Variants in FSTL5 observed in about 807,000 individuals in gnomAD.
The protein encoded by FSTL5 is follistatin like 5.
A neutral mutation model predicts 89.1 loss-of-function variants in FSTL5; 62 were observed. The ratio of observed to expected loss-of-function variants is 0.70; its 90% CI spans 0.57 to 0.86. The LOEUF (loss-of-function observed/expected upper bound fraction) is 0.86, where lower values mean the gene tolerates loss of function less well. Ranked by LOEUF, FSTL5 falls within the 40% of genes least tolerant of loss-of-function variation. The probability of loss-of-function intolerance (pLI) is 0.00; values close to 1 mark genes in which losing one functional copy is unlikely to be tolerated. For missense variants in FSTL5, 1,057 were observed against 1,001.6 expected (o/e 1.06, Z -0.75); for synonymous variants, 383 against 346.2 (o/e 1.11, Z -1.18).
intron 3 of FSTL5, among the ~76,000 whole-genome samples, chr4:161,955,656 T>C (rs567680933): frequency 1.6e-4 from 25 of 151,874 alleles, no homozygotes; most frequent in Non-Finnish European, 3.2e-4. Flanking sequence ...AATAGTAGTA[T>C]GATACATGAC....
At chr4:161,457,551 T>C (rs1318235804) in intron 14 of FSTL5, among the ~76,000 whole-genome samples, 1 of 152,114 alleles carries the variant, frequency 6.6e-6, no homozygotes, top group Non-Finnish European at 1.5e-5. Flanking sequence ...GGGAAAGTTG[T>C]TAATCTATCC....
intron 3 of FSTL5, among the ~76,000 whole-genome samples, chr4:161,934,392 G>T (rs1045043849): frequency 6.6e-6 from 1 of 152,044 alleles, no homozygotes; most frequent in African/African-American, 2.4e-5. Flanking sequence ...TAGAAGAAAA[G>T]AAAGTATTTA....
intron 6 of FSTL5, among the ~76,000 whole-genome samples, chr4:161,722,391 T>C (rs1739247527): frequency 6.6e-6 from 1 of 152,216 alleles, no homozygotes; most frequent in Non-Finnish European, 1.5e-5. Flanking sequence ...CTTTTCAGAA[T>C]GATTATATCC....
At chr4:161,907,482 T>C (rs987253302) in intron 4 of FSTL5, among the ~76,000 whole-genome samples, 3 of 152,144 alleles carry the variant, frequency 2.0e-5, no homozygotes, top group African/African-American at 7.2e-5. Flanking sequence ...TGGGAGTAGA[T>C]ACATGCACAA....
chr4:162,111,712 G>C (rs984027226), intron 1 of FSTL5, among the ~76,000 whole-genome samples: 2 of 152,016 alleles, frequency 1.3e-5, no homozygotes, highest in African/African-American at 4.8e-5. Flanking sequence ...GGGGAAAATA[G>C]AGAAAATATT....
chr4:161,803,878 A>G (rs1472761037), intron 4 of FSTL5, among the ~76,000 whole-genome samples: 1 of 152,022 alleles, frequency 6.6e-6, no homozygotes, highest in Non-Finnish European at 1.5e-5. Flanking sequence ...TCACAAAGTT[A>G]AAATAAAGGT....
chr4:161,689,151 G>T (rs1160503654), intron 6 of FSTL5, among the ~76,000 whole-genome samples: 1 of 152,258 alleles, frequency 6.6e-6, no homozygotes, highest in South Asian at 2.1e-4. Context: ...GAAGGAAAAA[G>T]AAACGTTTGC....
intron 2 of FSTL5, among the ~76,000 whole-genome samples, chr4:162,064,894 T>TA (rs921979839): frequency 1.6e-4 from 24 of 151,948 alleles, no homozygotes; most frequent in African/African-American, 4.8e-4. Context: ...TAAAAGGGCA[T>TA]AAAAAACAGA....
chr4:161,583,196 G>A (rs1560965298), intron 8 of FSTL5, among the ~76,000 whole-genome samples: 6 of 152,080 alleles, frequency 3.9e-5, no homozygotes, highest in South Asian at 4.2e-4. Flanking sequence ...GAAAGACTCC[G>A]TCTCAAAATA....
At chr4:161,563,791 T>C (rs1483332606) in intron 8 of FSTL5, among the ~76,000 whole-genome samples, 2 of 152,036 alleles carry the variant, frequency 1.3e-5, no homozygotes, top group African/African-American at 2.4e-5. Context: ...GAAAAGTTAT[T>C]GTATAATTTA....
At chr4:161,788,260 G>A (rs1404034474) in intron 4 of FSTL5, among the ~76,000 whole-genome samples, 1 of 152,084 alleles carries the variant, frequency 6.6e-6, no homozygotes, top group Non-Finnish European at 1.5e-5. Flanking sequence ...TTTATGATGT[G>A]AACATTCAAA....
chr4:161,666,689 A>C (rs929570884), intron 6 of FSTL5, among the ~76,000 whole-genome samples: 5 of 152,270 alleles, frequency 3.3e-5, no homozygotes, highest in East Asian at 3.9e-4. Context: ...GGGAGAGAAC[A>C]GTATGATAAC....
At chr4:161,652,468 G>A (rs1161889966) in intron 7 of FSTL5, among the ~76,000 whole-genome samples, 1 of 152,020 alleles carries the variant, frequency 6.6e-6, no homozygotes, top group Non-Finnish European at 1.5e-5. Flanking sequence ...ATTCACCCAT[G>A]TAAATGGGCA....
chr4:162,109,852 C>T (rs939012991), intron 2 of FSTL5, among the ~76,000 whole-genome samples: 2 of 151,944 alleles, frequency 1.3e-5, no homozygotes, highest in African/African-American at 4.8e-5. Flanking sequence ...TTAGGGCAGA[C>T]AAACAGCACA....
chr4:161,768,636 T>G (rs941959870), intron 5 of FSTL5, among the ~76,000 whole-genome samples: 4 of 151,992 alleles, frequency 2.6e-5, no homozygotes, highest in Non-Finnish European at 5.9e-5. Flanking sequence ...CTTATACATC[T>G]TCAATCAAAT....
intron 1 of FSTL5, among the ~76,000 whole-genome samples, chr4:162,139,791 C>T (rs1335313622): frequency 6.6e-6 from 1 of 152,042 alleles, no homozygotes; most frequent in Non-Finnish European, 1.5e-5. Context: ...AGTCACACAT[C>T]ATAAAAGACT....
At chr4:161,559,098 T>C (rs1732496038) in intron 8 of FSTL5, among the ~76,000 whole-genome samples, 1 of 151,896 alleles carries the variant, frequency 6.6e-6, no homozygotes, top group South Asian at 2.1e-4. Context: ...TACTGCATTC[T>C]CCGTTTCTCA....
At chr4:161,969,745 G>A (rs1432803043) in intron 3 of FSTL5, among the ~76,000 whole-genome samples, 2 of 152,054 alleles carry the variant, frequency 1.3e-5, no homozygotes, top group African/African-American at 4.8e-5. Flanking sequence ...GGAAATAGAA[G>A]AAACAGAAGT....
intron 15 of FSTL5, among the ~76,000 whole-genome samples, chr4:161,426,907 A>T (rs1337564076): frequency 6.6e-6 from 1 of 152,212 alleles, no homozygotes; most frequent in Non-Finnish European, 1.5e-5. Flanking sequence ...TTTACCAAAG[A>T]TCATTTAAAT....
Sources: allele counts gnomAD v4.1 joint callset (sites outside exome capture counted in the v4.1 genomes callset), GRCh38; gene constraint gnomAD v4.1.1; transcripts MANE v1.5; gene names NCBI Gene and HGNC (gene_info 2026-07-23, HGNC 2026-07-21).